Variants in RGS8 observed in about 807,000 individuals in gnomAD.
RGS8 encodes the protein regulator of G protein signaling 8.
Under a neutral mutation model 21.7 loss-of-function variants are expected in RGS8, and 8 were observed. The ratio of observed to expected loss-of-function variants is 0.37; its 90% CI spans 0.22 to 0.66. RGS8 has a LOEUF of 0.66. RGS8 is among the 30% of genes least tolerant of loss of function. The pLI is 0.59. For missense variants in RGS8, 157 were observed against 217.9 expected, an observed-to-expected ratio of 0.72 and a Z score of 1.76; for synonymous variants, 80 against 83.6, an observed-to-expected ratio of 0.96 and a Z score of 0.24.
upstream of RGS8, chr1:182,672,798 T>C (rs1664227587): frequency 6.2e-7 from 1 of 1,614,064 alleles, no homozygotes. Flanking sequence ...TCCATTTCTT[T>C]CTTCTTTCAA....
intron 5 of RGS8, chr1:182,658,550 A>C (rs1039589294): frequency 4.6e-5 from 7 of 152,270 alleles, no homozygotes; most frequent in Non-Finnish European, 7.3e-5. Flanking sequence ...CATTTCTAAA[A>C]TCCAGGATAC....
chr1:182,692,611 TA>T, the RGS8 span, among the ~76,000 whole-genome samples: 5 of 69,482 alleles, frequency 7.2e-5, no homozygotes, highest in Non-Finnish European at 1.2e-4. Context: ...TTCACAGAAT[TA>T]AAAAAAATTC....
intron 1 of RGS8, among the ~76,000 whole-genome samples, chr1:182,681,037 C>T (rs1397012920): frequency 6.6e-6 from 1 of 152,186 alleles, no homozygotes; most frequent in Non-Finnish European, 1.5e-5. Context: ...TGTGTTACTG[C>T]AAGAATTCAG....
upstream of RGS8, among the ~76,000 whole-genome samples, chr1:182,675,128 C>G (rs1016358469): frequency 3.3e-5 from 5 of 152,166 alleles, no homozygotes; most frequent in African/African-American, 9.7e-5. Context: ...TAAACAATCA[C>G]TCTCCCCCAT....
chr1:182,656,667 A>G (rs553583900), intron 5 of RGS8, among the ~76,000 whole-genome samples: 1 of 152,246 alleles, frequency 6.6e-6, no homozygotes, highest in Non-Finnish European at 1.5e-5. Context: ...AGAAAGAGTG[A>G]GAGGAAAACC....
chr1:182,744,050 C>T, the RGS8 span, among the ~76,000 whole-genome samples: 7 of 152,172 alleles, frequency 4.6e-5, no homozygotes, highest in East Asian at 1.9e-4. Context: ...TGTTCAACAT[C>T]GTATTTCCAG....
rs1340057327 is a variant in RGS8 at position 182,665,943 on chromosome 1, C to A, written c.193+26G>T. ...TCACTAAATAGATGATTTGCCATGTCATGATACGACCTGAATTCTACTTAC... is the reference window on the plus strand; with the variant it reads ...TCACTAAATAGATGATTTGCCATGTAATGATACGACCTGAATTCTACTTAC... On this transcript the variant is annotated intron_variant, in intron 5 of 6. Transcript: ENST00000483095. 6 of 1,595,842 alleles carry A rather than the reference C, an allele frequency of 3.8e-6. No individual in the cohort carries two copies. In the African/African-American group the frequency reaches 5.4e-5, roughly 14 times the overall value.
At chr1:182,746,001 G>A in the RGS8 span, among the ~76,000 whole-genome samples, 1 of 152,012 alleles carries the variant, frequency 6.6e-6, no homozygotes, top group Non-Finnish European at 1.5e-5. Context: ...CCTTCTTTTA[G>A]TCCAAGTTCT....
At chr1:182,737,795 C>T in the RGS8 span, among the ~76,000 whole-genome samples, 2 of 152,092 alleles carry the variant, frequency 1.3e-5, no homozygotes, top group Admixed American at 6.6e-5. Context: ...CCATTCAACC[C>T]CCTACAGGCA....
At chr1:182,695,144 A>G in the RGS8 span, among the ~76,000 whole-genome samples, 1 of 152,290 alleles carries the variant, frequency 6.6e-6, no homozygotes, top group African/African-American at 2.4e-5. Context: ...CCAGAAGACC[A>G]CAATCAGAAA....
the RGS8 span, among the ~76,000 whole-genome samples, chr1:182,740,564 T>G: frequency 1.4e-5 from 2 of 144,534 alleles, no homozygotes; most frequent in East Asian, 2.0e-4. Flanking sequence ...TTTTTTTTTT[T>G]TTTTTTTTTA....
chr1:182,711,208 T>C, the RGS8 span, among the ~76,000 whole-genome samples: 1 of 152,172 alleles, frequency 6.6e-6, no homozygotes, highest in Non-Finnish European at 1.5e-5. Flanking sequence ...ATCACTTGCC[T>C]TTTTCAGGGA....
exon 1 of RGS8, chr1:182,671,876 C>T (rs1379502073): frequency 1.5e-5 from 22 of 1,500,902 alleles, no homozygotes; most frequent in East Asian, 2.4e-5. Context: ...AGGCAGCAAG[C>T]GGCCCCACTG....
chr1:182,661,725 A>G lies in RGS8; in HGVS notation c.193+4244T>C, dbSNP rs572518500. ...TATGCCTGTTTCCCAGAGACCTGTC[A>G]GAAAAGATCTTCCACAAATGAGGAA... On this transcript the variant is annotated intron_variant, in intron 5 of 6. Coordinates refer to ENST00000483095, the Ensembl canonical transcript of RGS8. 2.0e-5 allele frequency among the ~76,000 whole-genome samples: 3 copies of G among 152,278 alleles called. No individual in the cohort carries two copies. The East Asian group carries it at 5.8e-4, about 29-fold the overall frequency.
the RGS8 span, among the ~76,000 whole-genome samples, chr1:182,721,086 T>C: frequency 1.4e-4 from 21 of 145,082 alleles, no homozygotes; most frequent in African/African-American, 3.8e-4. Context: ...TATACACATA[T>C]ATATGTGTGT....
upstream of RGS8, among the ~76,000 whole-genome samples, chr1:182,676,907 T>G (rs1281083648): frequency 6.6e-6 from 1 of 152,186 alleles, no homozygotes; most frequent in Non-Finnish European, 1.5e-5. Flanking sequence ...TTAACACACC[T>G]GCCCGGTCTA....
At chr1:182,707,455 A>G in the RGS8 span, among the ~76,000 whole-genome samples, 1 of 152,158 alleles carries the variant, frequency 6.6e-6, no homozygotes. Context: ...AGGTGTGGCA[A>G]AGGCATCAAA....
chr1:182,673,740 C>T (rs1287989428), upstream of RGS8, among the ~76,000 whole-genome samples: 1 of 152,152 alleles, frequency 6.6e-6, no homozygotes, highest in Admixed American at 6.5e-5. Context: ...AGAACTTAAG[C>T]AGAAAGAGAA....
intron 2 of RGS8, among the ~76,000 whole-genome samples, chr1:182,671,429 G>A (rs1332514624): frequency 1.3e-5 from 2 of 152,192 alleles, no homozygotes; most frequent in Non-Finnish European, 2.9e-5. Flanking sequence ...TCACAGGTGT[G>A]TCTGGGGCAG....
Sources: gnomAD v4.1 joint callset for allele counts (sites outside exome capture counted in the v4.1 genomes callset) on GRCh38, gnomAD v4.1.1 for gene constraint, MANE v1.5 for transcripts, NCBI Gene and HGNC (gene_info 2026-07-23, HGNC 2026-07-21) for gene names.